AKAP7: variants seen among roughly 807,000 people sequenced by gnomAD.
AKAP7 encodes the protein A-kinase anchoring protein 7.
In AKAP7, 39 loss-of-function variants were observed where a neutral mutation model predicts 39.5. The ratio of observed to expected loss-of-function variants is 0.99; its 90% confidence interval spans 0.76 to 1.29. AKAP7 has a LOEUF of 1.29. Ranked by LOEUF, AKAP7 falls within the 50% of genes most tolerant of loss-of-function variation. AKAP7 has a pLI of 0.00. For synonymous variants in AKAP7, 140 were observed against 139.1 expected, an observed-to-expected ratio of 1.01 and a Z score of -0.05; for missense variants, 414 against 407.7, an observed-to-expected ratio of 1.02 and a Z score of -0.13.
chr6:131,147,806 A>G (rs1340447840), intron 2 of AKAP7, among the ~76,000 whole-genome samples: 2 of 152,164 alleles, frequency 1.3e-5, no homozygotes, highest in African/African-American at 2.4e-5. Context: ...CATAAGTTAG[A>G]TTGGAACAAG....
At chr6:131,131,755 G>A (rs1374985499), upstream of AKAP7, among the ~76,000 whole-genome samples, 1 of 152,050 alleles carries the variant, frequency 6.6e-6, no homozygotes, top group African/African-American at 2.4e-5. Flanking sequence ...CAAGTAGAAG[G>A]GTGGGGTCAG....
chr6:131,240,073 A>G (rs1392904030), intron 7 of AKAP7, among the ~76,000 whole-genome samples: 1 of 152,216 alleles, frequency 6.6e-6, no homozygotes, highest in Non-Finnish European at 1.5e-5. Context: ...GGTGACGTAC[A>G]GATGGGGTTT....
intron 6 of AKAP7, among the ~76,000 whole-genome samples, chr6:131,204,544 A>G (rs1190806): frequency 0.29 from 43,740 of 152,084 alleles, 6,965 homozygotes; most frequent in Non-Finnish European, 0.36. Flanking sequence ...CTCTTAGCCC[A>G]TGATTTTTCC....
chr6:131,169,595 C>T (rs1227215656), intron 5 of AKAP7, among the ~76,000 whole-genome samples: 1 of 152,156 alleles, frequency 6.6e-6, no homozygotes, highest in African/African-American at 2.4e-5. Context: ...TCCCCTCCAC[C>T]CAGTCCCCTG....
At chr6:131,250,529 C>G (rs748755364) in intron 7 of AKAP7, 1 of 1,613,424 alleles carries the variant, frequency 6.2e-7, no homozygotes, top group Non-Finnish European at 8.5e-7. Context: ...GGGGTCCTCA[C>G]GGAGAAGAAC....
chr6:131,169,635 T>C (rs923333761), intron 5 of AKAP7, among the ~76,000 whole-genome samples: 5 of 152,130 alleles, frequency 3.3e-5, no homozygotes, highest in African/African-American at 1.2e-4. Context: ...AGAAGGACCA[T>C]TGGTGTTAGC....
chr6:131,234,986 A>G (rs1380751812), intron 7 of AKAP7, among the ~76,000 whole-genome samples: 1 of 152,082 alleles, frequency 6.6e-6, no homozygotes, highest in East Asian at 1.9e-4. Flanking sequence ...CACATGTACA[A>G]TGCTGGTGTG....
chr6:131,267,594 C>T (rs1278377603), intron 7 of AKAP7, among the ~76,000 whole-genome samples: 1 of 152,144 alleles, frequency 6.6e-6, no homozygotes, highest in African/African-American at 2.4e-5. Context: ...TCATCATTCT[C>T]CTCCCGCCCA....
chr6:131,145,989 A>C (rs770343420), intron 2 of AKAP7, among the ~76,000 whole-genome samples: 44 of 152,334 alleles, frequency 2.9e-4, no homozygotes, highest in Middle Eastern at 3.4e-3. Context: ...TGAGCCAGCT[A>C]CTTCTGAAAA....
intron 2 of AKAP7, among the ~76,000 whole-genome samples, chr6:131,148,537 G>C (rs1473666234): frequency 2.0e-5 from 3 of 152,042 alleles, no homozygotes; most frequent in Non-Finnish European, 4.4e-5. Context: ...CAAGAAAGAA[G>C]CTAAAAATGT....
In AKAP7 at chr6:131,283,284, T is replaced by A. The variant is rs1815339253; in HGVS notation, c.*1558T>A. ...TGAACTTGTTTGCACTGCTTCTGTT[T>A]GAAAGAGCATCTTGAAAAACTTCCC... On this transcript the variant is annotated 3_prime_UTR_variant, in exon 8 of 8. Transcript: ENST00000431975. 1 of 152,636 alleles carries A rather than the reference T, an allele frequency of 6.6e-6. No homozygotes were observed. The highest frequency in any genetic ancestry group is 1.5e-5 in the Non-Finnish European group (1 of 68,038). 9.5% of individuals were successfully genotyped at this position (152,636 alleles called of 1,614,324 possible).
chr6:131,250,435 C>G (rs1472125581), intron 7 of AKAP7: 14 of 1,494,448 alleles, frequency 9.4e-6, no homozygotes, highest in Non-Finnish European at 8.1e-6. Context: ...TGTGCATTGG[C>G]TCTTCAAGCT....
chr6:131,265,491 T>C (rs1453954279), intron 7 of AKAP7, among the ~76,000 whole-genome samples: 2 of 152,100 alleles, frequency 1.3e-5, no homozygotes, highest in African/African-American at 4.8e-5. Flanking sequence ...GGCTCACAGA[T>C]AAAGTGGGCC....
chr6:131,141,936 T>C (rs570894751), intron 1 of AKAP7, among the ~76,000 whole-genome samples: 5 of 150,168 alleles, frequency 3.3e-5, no homozygotes, highest in African/African-American at 1.2e-4. Context: ...GGTCTCACTC[T>C]GTCACCCAGG....
intron 6 of AKAP7, among the ~76,000 whole-genome samples, chr6:131,216,199 A>T (rs1809160206): frequency 6.6e-6 from 1 of 152,228 alleles, no homozygotes; most frequent in Non-Finnish European, 1.5e-5. Context: ...CTTATTTTTT[A>T]GAATCTTAAA....
At chr6:131,272,966 A>G (rs1030154753) in intron 7 of AKAP7, among the ~76,000 whole-genome samples, 11 of 152,152 alleles carry the variant, frequency 7.2e-5, no homozygotes, top group Non-Finnish European at 1.0e-4. Flanking sequence ...TGTATCATCT[A>G]TTAACCTTTT....
At chr6:131,152,626 G>A (rs1802020506) in intron 2 of AKAP7, among the ~76,000 whole-genome samples, 1 of 151,910 alleles carries the variant, frequency 6.6e-6, no homozygotes, top group South Asian at 2.1e-4. Context: ...TCAGGAGTTG[G>A]AGACCAGCCT....
rs114888297 is a variant in AKAP7 at position 131,246,648 on chromosome 6, G to A, written c.850+26840G>A. On this transcript the variant is annotated intron_variant, in intron 7 of 7. Transcript: ENST00000431975. ...CTTAATTGAGTCGTTTTTCCAAGAT[G>A]TGGCAGGCAACAGTGCTAGGCTCCA... is the stretch of plus-strand genomic sequence containing the variant. Among the ~76,000 whole-genome samples the A allele has an allele frequency of 1.7e-3, 253 of 152,016 alleles. 1 individual carries two copies. Among genetic ancestry groups the A allele is most frequent in the Admixed American group, 4.4e-3 (67 of 15,266 alleles).
intron 5 of AKAP7, among the ~76,000 whole-genome samples, chr6:131,193,143 C>T (rs1383072516): frequency 2.6e-5 from 4 of 151,866 alleles, no homozygotes; most frequent in African/African-American, 9.7e-5. Context: ...AGTGGGTATC[C>T]TTGTTATGTT....
Sources: gnomAD v4.1 joint callset for allele counts (sites outside exome capture counted in the v4.1 genomes callset) on GRCh38, gnomAD v4.1.1 for gene constraint, MANE v1.5 for transcripts, NCBI Gene and HGNC (gene_info 2026-07-23, HGNC 2026-07-21) for gene names.